The following LUC7L2 variants were observed in gnomAD, a reference collection of about 807,000 sequenced individuals.
The protein encoded by LUC7L2 is putative RNA-binding protein Luc7-like 2.
A neutral mutation model predicts 52.8 loss-of-function variants in LUC7L2; 25 were observed. The ratio of observed to expected loss-of-function variants is 0.47; its 90% confidence interval spans 0.34 to 0.66. The LOEUF is 0.66. Ranked by LOEUF, LUC7L2 falls within the 30% of genes least tolerant of loss-of-function variation. LUC7L2 has a pLI of 0.01. For missense variants in LUC7L2, 328 were observed against 497.8 expected (o/e 0.66, Z 3.25); for synonymous variants, 144 against 160.9 (o/e 0.89, Z 0.80).
chr7:139,345,972 T>A (rs1278975460), intron 1 of LUC7L2: 1 of 234,256 alleles, frequency 4.3e-6, no homozygotes, highest in Non-Finnish European at 8.2e-6. Flanking sequence ...GCACGGTGGC[T>A]CACGCCTGTA....
intron 2 of LUC7L2, among the ~76,000 whole-genome samples, chr7:139,384,553 A>T (rs1280621181): frequency 1.3e-5 from 2 of 152,244 alleles, no homozygotes; most frequent in African/African-American, 2.4e-5. Context: ...TAAATAAAAA[A>T]TGCATTTGGT....
chr7:139,395,804 A>G (rs1198359868), intron 2 of LUC7L2, among the ~76,000 whole-genome samples: 1 of 151,986 alleles, frequency 6.6e-6, no homozygotes, highest in Non-Finnish European at 1.5e-5. Context: ...CCATGCCTGG[A>G]TAATTTTTTT....
At chr7:139,408,311 A>G (rs955391429) in intron 6 of LUC7L2, among the ~76,000 whole-genome samples, 7 of 152,162 alleles carry the variant, frequency 4.6e-5, no homozygotes, top group Non-Finnish European at 1.0e-4. Flanking sequence ...AGTGGTTCCT[A>G]CTTGGGAGTC....
intron 1 of LUC7L2, chr7:139,375,054 A>G: frequency 1.0e-6 from 1 of 983,380 alleles, no homozygotes. Flanking sequence ...GTTTAAGGCT[A>G]AAATAAAACA....
intron 1 of LUC7L2, among the ~76,000 whole-genome samples, chr7:139,344,254 C>T (rs1799148733): frequency 6.6e-6 from 1 of 152,134 alleles, no homozygotes; most frequent in Admixed American, 6.6e-5. Flanking sequence ...AATAGCCATT[C>T]CTCAGTAACT....
At chr7:139,406,663 G>A in intron 5 of LUC7L2, among the ~76,000 whole-genome samples, 1 of 151,940 alleles carries the variant, frequency 6.6e-6, no homozygotes, top group Middle Eastern at 3.4e-3. Context: ...CTGTTTTTTT[G>A]TTGTTGTTGT....
At chr7:139,408,880 G>A (rs1176678674) in intron 6 of LUC7L2, among the ~76,000 whole-genome samples, 1 of 151,348 alleles carries the variant, frequency 6.6e-6, no homozygotes, top group Non-Finnish European at 1.5e-5. Flanking sequence ...GGGTATGGTG[G>A]CTTATGCCTG....
At chr7:139,368,250 C>T (rs2131195070) in intron 1 of LUC7L2, among the ~76,000 whole-genome samples, 1 of 152,218 alleles carries the variant, frequency 6.6e-6, no homozygotes, top group Non-Finnish European at 1.5e-5. Context: ...ACATAATTTG[C>T]TTCTGTCATC....
At chr7:139,353,654 G>A (rs555642040) in intron 1 of LUC7L2, among the ~76,000 whole-genome samples, 12 of 152,206 alleles carry the variant, frequency 7.9e-5, no homozygotes, top group South Asian at 2.1e-4. Context: ...TTAGCCGGGC[G>A]TGGTGGCAGG....
rs369638456 is a variant in LUC7L2, at chr7:139,407,263, T to C, written c.600T>C (p.His200=). Residue 200 remains histidine (H), a synonymous_variant, in exon 6 of 10, where the codon CAT becomes CAC. Transcript: ENST00000354926. The stretch of plus-strand genomic sequence containing the variant: ...TCTGCTCTGCCTATTTAGGACTTCA[T>C]GATAATGACAGACGACTGGCTGATC... ...CEVCSAYLGL[H]DNDRRLADHF... 6.8e-6 allele frequency: 11 copies of C among 1,612,860 alleles called. No homozygotes were observed. The highest frequency in any genetic ancestry group is 8.5e-6 in the Non-Finnish European group (10 of 1,179,312).
At chr7:139,361,289 A>T (rs1223300446) in intron 1 of LUC7L2, among the ~76,000 whole-genome samples, 2 of 152,182 alleles carry the variant, frequency 1.3e-5, no homozygotes, top group African/African-American at 2.4e-5. Flanking sequence ...GGTAGTTTTT[A>T]TGTGTTGCTT....
At chr7:139,359,548 T>C, upstream of LUC7L2, 1 of 302,646 alleles carries the variant, frequency 3.3e-6, no homozygotes. Context: ...CGGTCGACGA[T>C]GGGCATGGTC....
chr7:139,345,402 A>G, intron 1 of LUC7L2: 2 of 1,513,474 alleles, frequency 1.3e-6, no homozygotes, highest in African/African-American at 2.8e-5. Context: ...TCCTCTGTGC[A>G]ATTTACTTTC....
intron 1 of LUC7L2, among the ~76,000 whole-genome samples, chr7:139,369,656 G>A (rs919673476): frequency 1.3e-5 from 2 of 152,088 alleles, no homozygotes; most frequent in Non-Finnish European, 2.9e-5. Flanking sequence ...TTATAATCTT[G>A]TGATATGGAT....
At chr7:139,360,702 C>T (rs1173248545) in intron 1 of LUC7L2, among the ~76,000 whole-genome samples, 3 of 152,184 alleles carry the variant, frequency 2.0e-5, no homozygotes, top group Admixed American at 1.3e-4. Flanking sequence ...AATTCCTTAA[C>T]CCAGAGCTTT....
chr7:139,343,437 C>T (rs1184085672), intron 1 of LUC7L2, among the ~76,000 whole-genome samples: 1 of 152,104 alleles, frequency 6.6e-6, no homozygotes, highest in East Asian at 1.9e-4. Flanking sequence ...ATTATCCAGG[C>T]GTGATGGCCC....
At chr7:139,343,065 C>T (rs1799080405) in intron 1 of LUC7L2, among the ~76,000 whole-genome samples, 1 of 152,168 alleles carries the variant, frequency 6.6e-6, no homozygotes, top group African/African-American at 2.4e-5. Flanking sequence ...CTTTTGGGTT[C>T]TTGTGATCTA....
intron 1 of LUC7L2, among the ~76,000 whole-genome samples, chr7:139,351,611 C>G (rs1159108042): frequency 6.6e-6 from 1 of 152,182 alleles, no homozygotes; most frequent in African/African-American, 2.4e-5. Context: ...TTAACAAGAA[C>G]CTCCAGGGCC....
intron 1 of LUC7L2, among the ~76,000 whole-genome samples, chr7:139,350,192 G>A (rs1799406211): frequency 6.6e-6 from 1 of 151,908 alleles, no homozygotes; most frequent in East Asian, 1.9e-4. Flanking sequence ...CGCGATCTCT[G>A]CTCACTGCAA....
Sources: allele counts gnomAD v4.1 joint callset (sites outside exome capture counted in the v4.1 genomes callset), GRCh38; gene constraint gnomAD v4.1.1; transcripts MANE v1.5; gene names NCBI Gene and HGNC (gene_info 2026-07-23, HGNC 2026-07-21).